The following ZC3HAV1 variants were observed in gnomAD, a reference collection of about 807,000 sequenced individuals.
ZC3HAV1 encodes zinc finger CCCH-type containing, antiviral 1.
Under a neutral mutation model 86.6 loss-of-function variants are expected in ZC3HAV1, and 41 were observed. That is an observed-to-expected ratio of 0.47 (90% CI 0.37 to 0.61). The LOEUF (loss-of-function observed/expected upper bound fraction) is 0.61. ZC3HAV1 is among the 20% of genes least tolerant of loss of function. The pLI is 0.00. For synonymous variants in ZC3HAV1, 421 were observed against 432.1 expected (o/e 0.97, Z 0.32); for missense variants, 964 against 1,141.1 (o/e 0.84, Z 2.24).
At chr7:139,080,333 T>C in intron 3 of ZC3HAV1, 90 bp from the exon 4 acceptor site, 3 of 1,482,836 alleles carry the variant, frequency 2.0e-6, no homozygotes, top group South Asian at 1.2e-5. Flanking sequence ...CTCTTCACTT[T>C]TGTAGCTTTG....
At chr7:139,078,905 C>T (rs1817037786) in intron 4 of ZC3HAV1, among the ~76,000 whole-genome samples, 1 of 152,170 alleles carries the variant, frequency 6.6e-6, no homozygotes, top group South Asian at 2.1e-4. Context: ...ATAAATGTGG[C>T]AGTTTATTCC....
intron 1 of ZC3HAV1, among the ~76,000 whole-genome samples, chr7:139,104,192 C>CT (rs1817857788): frequency 6.6e-6 from 1 of 152,100 alleles, no homozygotes; most frequent in South Asian, 2.1e-4. Flanking sequence ...AAACAGTCAA[C>CT]TAGTCCTCTT....
chr7:139,054,940 G>A (rs1397676282), intron 10 of ZC3HAV1, among the ~76,000 whole-genome samples: 1 of 152,004 alleles, frequency 6.6e-6, no homozygotes. Context: ...GGCTCATGCC[G>A]CCATGCCCGG....
chr7:139,070,663 C>CAAAAAA (rs765065216), intron 7 of ZC3HAV1, among the ~76,000 whole-genome samples: 3 of 54,448 alleles, frequency 5.5e-5, no homozygotes, highest in Non-Finnish European at 3.8e-5. Flanking sequence ...GACTCCGTCT[C>CAAAAAA]AAAAAAAAAA....
chr7:139,075,038 T>C (rs10257384), intron 6 of ZC3HAV1, among the ~76,000 whole-genome samples: 4,603 of 152,226 alleles, frequency 0.03, 233 homozygotes, highest in African/African-American at 0.11. Flanking sequence ...TTACAACATC[T>C]GAAGACATTT....
At chr7:139,094,815 C>T (rs940490606) in intron 1 of ZC3HAV1, among the ~76,000 whole-genome samples, 1 of 152,024 alleles carries the variant, frequency 6.6e-6, no homozygotes, top group African/African-American at 2.4e-5. Context: ...GTGATTCCCA[C>T]GTGCAGTCTG....
In ZC3HAV1 at chr7:139,109,483, G is replaced by A; in HGVS notation, c.-152C>T. On this transcript the variant is annotated 5_prime_UTR_variant, in exon 1 of 13. Coordinates refer to ENST00000242351, the MANE Select transcript of ZC3HAV1 (RefSeq NM_020119.4). ...GAGGGCGCGCTCTCCGTCGCCGTTA[G>A]CCCAGCCCAGCGATCCACTCTCGGC... 1 of 938,258 alleles carries A rather than the reference G, an allele frequency of 1.1e-6. No homozygotes were observed. The highest frequency in any genetic ancestry group is 1.8e-5 in the South Asian group (1 of 55,764). The allele number at this position is 938,258 out of a possible 1,614,324, so 58.1% of individuals were successfully genotyped here.
At chr7:139,048,979 TCA>T (rs1249907414) in intron 12 of ZC3HAV1, among the ~76,000 whole-genome samples, 1 of 132,526 alleles carries the variant, frequency 7.5e-6, no homozygotes, top group Non-Finnish European at 1.7e-5. Flanking sequence ...TTCTATGCAT[TCA>T]CATACATATA....
At chr7:139,054,168 C>T in intron 10 of ZC3HAV1, 73 bp from the exon 11 acceptor site, 1 of 1,403,910 alleles carries the variant, frequency 7.1e-7, no homozygotes, top group Non-Finnish European at 9.4e-7. Flanking sequence ...ATATGTGCCC[C>T]CTTATGCCAT....
At chr7:139,101,504 G>A (rs1307057477) in intron 1 of ZC3HAV1, among the ~76,000 whole-genome samples, 8 of 101,942 alleles carry the variant, frequency 7.8e-5, no homozygotes, top group South Asian at 3.7e-4. Context: ...CACCCCGTCT[G>A]GGAGGTGTAC....
chr7:139,062,925 A>T (rs963029609), intron 8 of ZC3HAV1, among the ~76,000 whole-genome samples: 1 of 146,312 alleles, frequency 6.8e-6, no homozygotes, highest in Admixed American at 6.9e-5. Flanking sequence ...GCTACTTGGG[A>T]GGCTGAGGCA....
intron 2 of ZC3HAV1, among the ~76,000 whole-genome samples, chr7:139,086,353 T>C (rs1002093899): frequency 7.9e-5 from 12 of 152,238 alleles, no homozygotes; most frequent in African/African-American, 2.4e-4. Flanking sequence ...AAAACAGCAA[T>C]TAAATTATTA....
intron 1 of ZC3HAV1, among the ~76,000 whole-genome samples, chr7:139,093,713 G>A (rs1003294545): frequency 6.6e-6 from 1 of 151,974 alleles, no homozygotes; most frequent in Non-Finnish European, 1.5e-5. Flanking sequence ...ATCTCCCTTC[G>A]CTGACTCTCT....
At chr7:139,090,366 A>G (rs1009546085) in intron 1 of ZC3HAV1, among the ~76,000 whole-genome samples, 3 of 152,234 alleles carry the variant, frequency 2.0e-5, no homozygotes, top group Admixed American at 6.5e-5. Flanking sequence ...CTGGGATTAC[A>G]GATGTGAACC....
In ZC3HAV1 at chr7:139,082,533, G is replaced by C. The variant is rs149693914; in HGVS notation, c.697+1247C>G. 3.9e-5 allele frequency among the ~76,000 whole-genome samples: 6 copies of C among 152,232 alleles called. No homozygotes were observed. The East Asian group carries it at 1.2e-3, about 29-fold the overall frequency. ...GAGGAACTGAAAACAGGGTCTCAAA[G>C]TGGTATCTGTACACCATGTTTACAG... On this transcript the variant is annotated intron_variant, in intron 3 of 12. Coordinates refer to ENST00000242351, the MANE Select transcript of ZC3HAV1 (RefSeq NM_020119.4).
intron 9 of ZC3HAV1, among the ~76,000 whole-genome samples, chr7:139,056,063 A>T (rs1019574812): frequency 6.6e-6 from 1 of 152,218 alleles, no homozygotes; most frequent in African/African-American, 2.4e-5. Flanking sequence ...AGCATACTTG[A>T]CTCAAAACTG....
chr7:139,079,411 G>C (rs199800018), intron 4 of ZC3HAV1, 59 bp downstream of exon 4: 100 of 1,613,118 alleles, frequency 6.2e-5, no homozygotes, highest in Non-Finnish European at 7.6e-5. Context: ...CTTGACTAGA[G>C]CCATTTGGTA....
chr7:139,066,969 T>C (rs1489426952), intron 7 of ZC3HAV1, among the ~76,000 whole-genome samples: 1 of 152,158 alleles, frequency 6.6e-6, no homozygotes, highest in Non-Finnish European at 1.5e-5. Context: ...GATTCCATAC[T>C]TCAGCCAGCT....
chr7:139,057,242 C>T (rs898402869), intron 9 of ZC3HAV1, among the ~76,000 whole-genome samples: 2 of 151,968 alleles, frequency 1.3e-5, no homozygotes. Context: ...GCTGTAGTTG[C>T]AGCTACTCAG....
Sources: gnomAD v4.1 joint callset for allele counts (sites outside exome capture counted in the v4.1 genomes callset) on GRCh38, gnomAD v4.1.1 for gene constraint, MANE v1.5 for transcripts, NCBI Gene and HGNC (gene_info 2026-07-23, HGNC 2026-07-21) for gene names.